Variants in GPR21 observed in about 807,000 individuals in gnomAD.
The protein encoded by GPR21 is probable G protein-coupled receptor 21.
Under a neutral mutation model 21.5 loss-of-function variants are expected in GPR21, and 9 were observed. The observed-to-expected ratio is 0.42, with a 90% CI of 0.25 to 0.73. The LOEUF (loss-of-function observed/expected upper bound fraction) is 0.73. GPR21 is among the 30% of genes least tolerant of loss of function. GPR21 has a pLI of 0.27. For synonymous variants in GPR21, 169 were observed against 159.3 expected, an observed-to-expected ratio of 1.06 and a Z score of -0.46; for missense variants, 416 against 428.9, an observed-to-expected ratio of 0.97 and a Z score of 0.27.
downstream of GPR21, among the ~76,000 whole-genome samples, chr9:123,036,071 A>G (rs1250160032): frequency 6.6e-6 from 1 of 152,222 alleles, no homozygotes. Context: ...AGTAAAATAT[A>G]AATGAAAAGG....
the GPR21 span, among the ~76,000 whole-genome samples, chr9:123,043,393 C>CATGGTGAG: frequency 6.6e-6 from 1 of 151,872 alleles, no homozygotes; most frequent in Admixed American, 6.6e-5. Context: ...GGATTTTCAC[C>CATGGTGAG]ATGGTGAGAA....
the GPR21 span, among the ~76,000 whole-genome samples, chr9:123,046,632 C>T: frequency 6.6e-6 from 1 of 152,146 alleles, no homozygotes; most frequent in East Asian, 1.9e-4. Flanking sequence ...AAGCTCTTAG[C>T]GTAGTGCTTG....
At chr9:123,045,720 A>C in the GPR21 span, among the ~76,000 whole-genome samples, 1 of 152,052 alleles carries the variant, frequency 6.6e-6, no homozygotes, top group South Asian at 2.1e-4. Context: ...ATTACTTCGT[A>C]CTCTTGGATC....
downstream of GPR21, among the ~76,000 whole-genome samples, chr9:123,036,857 G>T: frequency 6.6e-6 from 1 of 151,622 alleles, no homozygotes; most frequent in Admixed American, 6.6e-5. Flanking sequence ...AAACCTATAG[G>T]ATTTTATAAT....
the GPR21 span, among the ~76,000 whole-genome samples, chr9:123,043,325 A>T: frequency 6.6e-6 from 1 of 152,316 alleles, no homozygotes; most frequent in East Asian, 1.9e-4. Context: ...CAGCCAGTCT[A>T]AATAGGAGCA....
the GPR21 span, among the ~76,000 whole-genome samples, chr9:123,043,454 G>C: frequency 1.7e-4 from 26 of 152,030 alleles, no homozygotes; most frequent in African/African-American, 6.3e-4. Context: ...TAGATACATA[G>C]AAAACCAAGG....
At position 123,034,521 on chromosome 9, in the gene GPR21, G is replaced by T. The variant is rs1408430835; in HGVS notation, c.-46G>T. 3 of 1,246,188 alleles carry T rather than the reference G, an allele frequency of 2.4e-6. No individual in the cohort carries two copies. The highest frequency in any genetic ancestry group is 3.4e-6 in the Non-Finnish European group (3 of 880,018). 77.2% of individuals were successfully genotyped at this position (1,246,188 alleles called of 1,614,324 possible). A position where few individuals can be genotyped will look rare whatever the true frequency, so the allele number is the denominator to read the frequency against. Reference sequence around the variant, plus strand: ...CAGCTGCTTCTTTGAACTGTTGGCAGCAGCCAAGCGGCAGCATGAAGTGAC... The same window carrying T: ...CAGCTGCTTCTTTGAACTGTTGGCATCAGCCAAGCGGCAGCATGAAGTGAC... On this transcript the variant is annotated 5_prime_UTR_variant, in exon 2 of 2. Coordinates refer to ENST00000616002, the MANE Select transcript of GPR21 (RefSeq NM_005294.3).
chr9:123,034,538 T>G lies in GPR21; in HGVS notation c.-29T>G. ...TGTTGGCAGCAGCCAAGCGGCAGCATGAAGTGACAGATCACTCCTGAGCTC... is the reference window on the plus strand; with the variant it reads ...TGTTGGCAGCAGCCAAGCGGCAGCAGGAAGTGACAGATCACTCCTGAGCTC... On this transcript the variant is annotated 5_prime_UTR_variant, in exon 2 of 2. An upstream start codon of the reference 5' UTR is lost. Coordinates refer to ENST00000616002, the MANE Select transcript of GPR21 (RefSeq NM_005294.3). 1 of 1,440,126 alleles carries G rather than the reference T, an allele frequency of 6.9e-7. No individual in the cohort carries two copies. The highest frequency in any genetic ancestry group is 9.5e-7 in the Non-Finnish European group (1 of 1,048,486). The allele number at this position is 1,440,126 out of a possible 1,614,324, so 89.2% of individuals were successfully genotyped here. A position where few individuals can be genotyped will look rare whatever the true frequency, so the allele number is the denominator to read the frequency against.
At chr9:123,040,785 T>C in the GPR21 span, among the ~76,000 whole-genome samples, 1 of 152,292 alleles carries the variant, frequency 6.6e-6, no homozygotes, top group East Asian at 1.9e-4. Flanking sequence ...CTATAAAAAT[T>C]AATAGCATCA....
At chr9:123,045,432 A>T in the GPR21 span, among the ~76,000 whole-genome samples, 2 of 152,304 alleles carry the variant, frequency 1.3e-5, no homozygotes, top group African/African-American at 4.8e-5. Context: ...ATGTATTCGT[A>T]GGAATCTAAG....
the GPR21 span, among the ~76,000 whole-genome samples, chr9:123,041,418 T>C: frequency 0.11 from 16,616 of 152,198 alleles, 2,934 homozygotes; most frequent in African/African-American, 0.37. Flanking sequence ...TTAGAGAGGT[T>C]AAGAAGCTTC....
At position 123,034,435 on chromosome 9, in the gene GPR21, G is replaced by A. The variant is rs2032494304; in HGVS notation, c.-132G>A. On this transcript the variant is annotated 5_prime_UTR_variant, in exon 2 of 2. Coordinates refer to ENST00000616002, the MANE Select transcript of GPR21 (RefSeq NM_005294.3). Reference sequence around the variant, plus strand: ...ATGCACCAGAGCAGCAGCATCAGGAGCTTGGGGAGTAAGGCTCCTCTGGCA... The same window carrying A: ...ATGCACCAGAGCAGCAGCATCAGGAACTTGGGGAGTAAGGCTCCTCTGGCA... 18 of 658,438 alleles carry A rather than the reference G, an allele frequency of 2.7e-5. No individual in the cohort carries two copies. In the South Asian group the frequency reaches 3.3e-4, roughly 12 times the overall value. The allele number at this position is 658,438 out of a possible 1,614,324, so 40.8% of individuals were successfully genotyped here. A position where few individuals can be genotyped will look rare whatever the true frequency, so the allele number is the denominator to read the frequency against.
chr9:123,035,690 T>A (rs993055275), downstream of GPR21: 12 of 846,516 alleles, frequency 1.4e-5, no homozygotes, highest in African/African-American at 5.1e-5. Flanking sequence ...GTGTATTTTA[T>A]CTCTAAGTAT....
chr9:123,044,867 C>G, the GPR21 span, among the ~76,000 whole-genome samples: 1 of 152,010 alleles, frequency 6.6e-6, no homozygotes, highest in African/African-American at 2.4e-5. Flanking sequence ...ACCCCAGACC[C>G]CCTCCTTGAA....
At chr9:123,040,088 C>G (rs994617845), downstream of GPR21, among the ~76,000 whole-genome samples, 2 of 152,084 alleles carry the variant, frequency 1.3e-5, no homozygotes, top group African/African-American at 4.8e-5. Context: ...AGAGAGGGAT[C>G]AAAGAAGGAT....
chr9:123,034,730 G>C lies in GPR21; in HGVS notation c.164G>C (p.Cys55Ser), dbSNP rs1238022766. ...GNIIVIFVFHCAPLLNHHTTS... is the reference protein window; with the variant it reads ...GNIIVIFVFHSAPLLNHHTTS... Reference sequence around the variant, plus strand: ...ATCATTGTGATTTTTGTATTTCACTGTGCACCTTTGTTGAACCATCACACT... The same window carrying C: ...ATCATTGTGATTTTTGTATTTCACTCTGCACCTTTGTTGAACCATCACACT... The change falls in exon 2 of 2, where the codon TGT (cysteine) becomes TCT (serine). Residue 55 changes from cysteine (C) to serine (S), a missense_variant. Coordinates refer to ENST00000616002, the MANE Select transcript of GPR21 (RefSeq NM_005294.3). The C allele has an allele frequency of 6.2e-7, 1 of 1,613,810 alleles. No individual in the cohort carries two copies. The highest frequency in any genetic ancestry group is 1.1e-5 in the South Asian group (1 of 91,072).
chr9:123,040,241 C>G (rs190923503), downstream of GPR21, among the ~76,000 whole-genome samples: 24 of 152,300 alleles, frequency 1.6e-4, no homozygotes, highest in Admixed American at 1.1e-3. Flanking sequence ...ACCCCCACAG[C>G]ACTGTTTTTT....
chr9:123,042,933 A>G, the GPR21 span, among the ~76,000 whole-genome samples: 2 of 152,204 alleles, frequency 1.3e-5, no homozygotes, highest in Non-Finnish European at 2.9e-5. Context: ...TGGGGCATGG[A>G]TGGTGGAGTC....
At chr9:123,038,260 G>A (rs2032774097), downstream of GPR21, among the ~76,000 whole-genome samples, 2 of 151,976 alleles carry the variant, frequency 1.3e-5, no homozygotes, top group Admixed American at 1.3e-4. Flanking sequence ...TTTGGAAAAG[G>A]TTTTCTTTAA....
Sources: allele counts gnomAD v4.1 joint callset (sites outside exome capture counted in the v4.1 genomes callset), GRCh38; gene constraint gnomAD v4.1.1; transcripts MANE v1.5; gene names NCBI Gene and HGNC (gene_info 2026-07-23, HGNC 2026-07-21).